ASIC2: variants seen among roughly 807,000 people sequenced by gnomAD.
The protein encoded by ASIC2 is acid-sensing ion channel 2.
Under a neutral mutation model 57.3 loss-of-function variants are expected in ASIC2, and 25 were observed. The observed-to-expected ratio is 0.44, with a 90% confidence interval of 0.32 to 0.61. The LOEUF is 0.61. Ranked by LOEUF, ASIC2 falls within the 20% of genes least tolerant of loss-of-function variation. The pLI is 0.06. For missense variants in ASIC2, 641 were observed against 738.1 expected, an observed-to-expected ratio of 0.87 and a Z score of 1.52; for synonymous variants, 319 against 307.5, an observed-to-expected ratio of 1.04 and a Z score of -0.39.
chr17:33,324,434 T>C (rs926637051), intron 1 of ASIC2, among the ~76,000 whole-genome samples: 1 of 152,162 alleles, frequency 6.6e-6, no homozygotes, highest in African/African-American at 2.4e-5. Flanking sequence ...GATTCACTCC[T>C]AACCCCATTT....
At chr17:33,124,785 A>G (rs2092316809) in intron 1 of ASIC2, among the ~76,000 whole-genome samples, 1 of 152,240 alleles carries the variant, frequency 6.6e-6, no homozygotes, top group African/African-American at 2.4e-5. Context: ...ATTTTAAAAT[A>G]TAAAGAAATA....
intron 1 of ASIC2, among the ~76,000 whole-genome samples, chr17:33,685,820 A>C (rs1032944198): frequency 3.3e-5 from 5 of 152,160 alleles, no homozygotes; most frequent in African/African-American, 7.2e-5. Context: ...CACTCAAACA[A>C]GATTCTCGGC....
chr17:34,048,508 TG>T (rs1286682836), intron 1 of ASIC2, among the ~76,000 whole-genome samples: 2 of 152,224 alleles, frequency 1.3e-5, no homozygotes, highest in African/African-American at 4.8e-5. Flanking sequence ...GCTGCCTATC[TG>T]CCTATCATCT....
At chr17:33,373,190 G>A (rs1264988712) in intron 1 of ASIC2, among the ~76,000 whole-genome samples, 2 of 152,222 alleles carry the variant, frequency 1.3e-5, no homozygotes, top group Admixed American at 6.5e-5. Context: ...GGGTTCCATA[G>A]AGCATGTAAT....
At chr17:33,876,609 T>C (rs1014331938) in intron 1 of ASIC2, among the ~76,000 whole-genome samples, 7 of 152,196 alleles carry the variant, frequency 4.6e-5, no homozygotes, top group Non-Finnish European at 8.8e-5. Flanking sequence ...ATAAGGAAAA[T>C]AAATCACATA....
At chr17:33,436,059 A>G (rs566118226) in intron 1 of ASIC2, among the ~76,000 whole-genome samples, 1 of 152,388 alleles carries the variant, frequency 6.6e-6, no homozygotes, top group South Asian at 2.1e-4. Flanking sequence ...AGATGATGAC[A>G]GTGAGAAAAA....
At chr17:34,155,889 C>A (rs1033461352) in intron 1 of ASIC2, 5 of 1,452,012 alleles carry the variant, frequency 3.4e-6, no homozygotes, top group East Asian at 2.3e-5. Context: ...TGTCCCAAAG[C>A]ACAAGGAAAC....
intron 1 of ASIC2, among the ~76,000 whole-genome samples, chr17:33,426,240 T>C (rs139192607): frequency 4.6e-5 from 7 of 152,352 alleles, no homozygotes; most frequent in African/African-American, 1.2e-4. Flanking sequence ...TAAATAATCA[T>C]AGCCAGGGCA....
chr17:33,315,544 C>T (rs879342183), intron 1 of ASIC2, among the ~76,000 whole-genome samples: 5 of 152,126 alleles, frequency 3.3e-5, no homozygotes, highest in South Asian at 2.1e-4. Flanking sequence ...TAACTGAGTT[C>T]GGAGCTTCCT....
At chr17:33,815,939 T>C (rs1317246588) in intron 1 of ASIC2, among the ~76,000 whole-genome samples, 1 of 152,178 alleles carries the variant, frequency 6.6e-6, no homozygotes, top group Non-Finnish European at 1.5e-5. Flanking sequence ...TATCACAGTC[T>C]ACGGGGGAGG....
intron 1 of ASIC2, among the ~76,000 whole-genome samples, chr17:34,083,212 C>T (rs1282222651): frequency 1.1e-4 from 15 of 141,570 alleles, no homozygotes; most frequent in Non-Finnish European, 2.3e-4. Flanking sequence ...GTGATGTTGC[C>T]CTTCCTGTGT....
intron 1 of ASIC2, among the ~76,000 whole-genome samples, chr17:33,160,546 T>G (rs1358187979): frequency 1.3e-5 from 2 of 152,234 alleles, no homozygotes; most frequent in Non-Finnish European, 2.9e-5. Context: ...TACACATTTC[T>G]AGGCTACTTG....
At chr17:33,843,605 G>A (rs1174914838) in intron 1 of ASIC2, among the ~76,000 whole-genome samples, 1 of 152,162 alleles carries the variant, frequency 6.6e-6, no homozygotes, top group Non-Finnish European at 1.5e-5. Flanking sequence ...ACAGAGCACT[G>A]GGAAAACCCT....
At chr17:34,096,817 A>C (rs1176495046) in intron 1 of ASIC2, among the ~76,000 whole-genome samples, 1 of 129,626 alleles carries the variant, frequency 7.7e-6, no homozygotes, top group Non-Finnish European at 1.6e-5. Context: ...AGATCATGCC[A>C]CTGCACTCCA....
At chr17:33,620,124 C>G (rs1366969751) in intron 1 of ASIC2, among the ~76,000 whole-genome samples, 1 of 151,392 alleles carries the variant, frequency 6.6e-6, no homozygotes, top group East Asian at 1.9e-4. Flanking sequence ...GAATTTTGAA[C>G]CTGTTTGTTA....
intron 1 of ASIC2, among the ~76,000 whole-genome samples, chr17:33,863,457 A>C (rs1442886476): frequency 6.6e-6 from 1 of 152,240 alleles, no homozygotes; most frequent in African/African-American, 2.4e-5. Context: ...AGAAAAGCTA[A>C]GGTTGGGAAT....
In ASIC2 at chr17:33,935,670, G is replaced by A. The variant is rs78921594; in HGVS notation, c.555+220308C>T. 54 of 152,250 alleles carry A rather than the reference G, an allele frequency of 3.5e-4. No homozygotes were observed. In the East Asian group the frequency reaches 7.7e-3, roughly 22 times the overall value. 9.4% of individuals were successfully genotyped at this position (152,250 alleles called of 1,614,324 possible). On this transcript the variant is annotated intron_variant, in intron 1 of 9. Transcript: ENST00000359872. ...CCACATTGTGGATGAGGAAACTACA[G>A]CTCAGAGGGTATAAATCCCTCTCCT...
At chr17:33,270,536 G>A (rs1904442691) in intron 1 of ASIC2, among the ~76,000 whole-genome samples, 1 of 152,172 alleles carries the variant, frequency 6.6e-6, no homozygotes, top group Non-Finnish European at 1.5e-5. Context: ...GAGCTGTTCT[G>A]GGCCTGAGAA....
At chr17:33,931,551 C>T (rs1915931704) in intron 1 of ASIC2, among the ~76,000 whole-genome samples, 1 of 152,196 alleles carries the variant, frequency 6.6e-6, no homozygotes, top group Admixed American at 6.5e-5. Flanking sequence ...CCTCCCTTAC[C>T]TCTAGCTTGA....
Sources: gnomAD v4.1 joint callset for allele counts (sites outside exome capture counted in the v4.1 genomes callset) on GRCh38, gnomAD v4.1.1 for gene constraint, MANE v1.5 for transcripts, NCBI Gene and HGNC (gene_info 2026-07-23, HGNC 2026-07-21) for gene names.